The following RBMS3 variants were observed in gnomAD, a reference collection of about 807,000 sequenced individuals.
RBMS3 encodes the protein RNA-binding motif, single-stranded-interacting protein 3.
In RBMS3, 27 loss-of-function variants were observed where a neutral mutation model predicts 66.8. The observed-to-expected ratio is 0.40, with a 90% CI of 0.30 to 0.56. The LOEUF is 0.56. Ranked by LOEUF, RBMS3 falls within the 20% of genes least tolerant of loss-of-function variation. RBMS3 has a pLI of 0.40. For missense variants in RBMS3, 513 were observed against 549.5 expected (o/e 0.93, Z 0.66); for synonymous variants, 188 against 183.0 (o/e 1.03, Z -0.22).
intron 1 of RBMS3, among the ~76,000 whole-genome samples, chr3:29,292,796 C>T (rs1350008092): frequency 4.0e-5 from 6 of 151,826 alleles, no homozygotes. Flanking sequence ...TATCAGGGCT[C>T]AATGTACTTT....
At chr3:29,852,919 T>A (rs1379140633) in intron 6 of RBMS3, among the ~76,000 whole-genome samples, 1 of 152,122 alleles carries the variant, frequency 6.6e-6, no homozygotes, top group Non-Finnish European at 1.5e-5. Context: ...TAAATGCCCA[T>A]CAATGACAGA....
At chr3:29,403,924 A>G (rs2039911746) in intron 1 of RBMS3, among the ~76,000 whole-genome samples, 1 of 152,192 alleles carries the variant, frequency 6.6e-6, no homozygotes, top group Middle Eastern at 3.4e-3. Context: ...GAAACTTTTG[A>G]TAATAGAAAT....
In RBMS3 at chr3:29,281,461, T is replaced by A; in HGVS notation, c.-221T>A. 1.9e-6 allele frequency: 1 copy of A among 537,928 alleles called. No homozygotes were observed. The highest frequency in any genetic ancestry group is 3.2e-6 in the Non-Finnish European group (1 of 313,938). 33.3% of individuals were successfully genotyped at this position (537,928 alleles called of 1,614,324 possible). A position where few individuals can be genotyped will look rare whatever the true frequency, so the allele number is the denominator to read the frequency against. ...TGTGTGTGGGTGTTTTTTCTACAGATCTCACTCCTCGCCCTTTTTTTTTTT... is the reference window on the plus strand; with the variant it reads ...TGTGTGTGGGTGTTTTTTCTACAGAACTCACTCCTCGCCCTTTTTTTTTTT... On this transcript the variant is annotated 5_prime_UTR_variant, in exon 1 of 15. Transcript: ENST00000383767.
At chr3:29,468,323 C>T (rs961759840) in intron 2 of RBMS3, among the ~76,000 whole-genome samples, 5 of 152,124 alleles carry the variant, frequency 3.3e-5, no homozygotes, top group African/African-American at 4.8e-5. Context: ...AGAAGGCTTG[C>T]GGTTTGATGG....
At chr3:29,655,109 C>T (rs541888187) in intron 4 of RBMS3, among the ~76,000 whole-genome samples, 2 of 152,226 alleles carry the variant, frequency 1.3e-5, no homozygotes, top group South Asian at 2.1e-4. Context: ...GGAATAAGAA[C>T]ATTTATTTTT....
At chr3:29,939,677 T>TTCTCTTCC (rs1428141968) in intron 11 of RBMS3, among the ~76,000 whole-genome samples, 2 of 151,900 alleles carry the variant, frequency 1.3e-5, no homozygotes, top group African/African-American at 4.8e-5. Context: ...CCATTCCTTC[T>TTCTCTTCC]TCTCTTCCTG....
intron 6 of RBMS3, among the ~76,000 whole-genome samples, chr3:29,784,490 A>C (rs9845804): frequency 1.3e-5 from 2 of 152,076 alleles, no homozygotes; most frequent in African/African-American, 4.8e-5. Flanking sequence ...GAACTGAACA[A>C]TAATAGTAAC....
intron 2 of RBMS3, among the ~76,000 whole-genome samples, chr3:29,440,334 C>T (rs1344265263): frequency 6.6e-6 from 1 of 152,124 alleles, no homozygotes; most frequent in Non-Finnish European, 1.5e-5. Context: ...CTGTGATTGA[C>T]TGCTATGGAG....
At chr3:29,870,892 C>T (rs1255694666) in intron 7 of RBMS3, among the ~76,000 whole-genome samples, 4 of 151,746 alleles carry the variant, frequency 2.6e-5, no homozygotes, top group African/African-American at 9.7e-5. Context: ...GATAGCATGC[C>T]CTAGAAATAT....
chr3:29,996,835 C>CCCTAATATCACAATTAAAAG (rs1699274702), intron 14 of RBMS3, among the ~76,000 whole-genome samples: 1 of 152,036 alleles, frequency 6.6e-6, no homozygotes, highest in South Asian at 2.1e-4. Flanking sequence ...AAAATTGACA[C>CCCTAATATCACAATTAAAAG]CCTAATATCA....
At chr3:29,807,503 A>G (rs2057594003) in intron 6 of RBMS3, among the ~76,000 whole-genome samples, 1 of 151,948 alleles carries the variant, frequency 6.6e-6, no homozygotes, top group Non-Finnish European at 1.5e-5. Context: ...TAGCATGCAT[A>G]CATACAGATA....
At chr3:29,323,554 A>G (rs2035132087) in intron 1 of RBMS3, among the ~76,000 whole-genome samples, 2 of 152,200 alleles carry the variant, frequency 1.3e-5, no homozygotes, top group South Asian at 2.1e-4. Flanking sequence ...CAGCACACAT[A>G]GTAAAATTAA....
At chr3:29,922,292 C>A (rs2060803966) in intron 10 of RBMS3, among the ~76,000 whole-genome samples, 1 of 151,326 alleles carries the variant, frequency 6.6e-6, no homozygotes, top group Non-Finnish European at 1.5e-5. Context: ...TCGAGACCAT[C>A]CTGGCTAACA....
chr3:29,444,793 T>C (rs2041762352), intron 2 of RBMS3, among the ~76,000 whole-genome samples: 2 of 121,562 alleles, frequency 1.6e-5, no homozygotes, highest in African/African-American at 7.2e-5. Context: ...TATGCCTTTT[T>C]TTTTTTTTTT....
intron 3 of RBMS3, among the ~76,000 whole-genome samples, chr3:29,497,164 C>A (rs970259997): frequency 6.6e-6 from 1 of 151,970 alleles, no homozygotes; most frequent in Non-Finnish European, 1.5e-5. Flanking sequence ...CGCATTCTAC[C>A]ATGCCTGGCT....
At chr3:29,438,575 A>C (rs2041488844) in intron 2 of RBMS3, among the ~76,000 whole-genome samples, 1 of 152,226 alleles carries the variant, frequency 6.6e-6, no homozygotes, top group Admixed American at 6.5e-5. Flanking sequence ...AGAAGATAAG[A>C]CTGAAGAACA....
chr3:29,716,325 G>A (rs1319740280), intron 4 of RBMS3, among the ~76,000 whole-genome samples: 1 of 152,120 alleles, frequency 6.6e-6, no homozygotes, highest in Non-Finnish European at 1.5e-5. Context: ...GTGTTGAGAA[G>A]CAAAGGACAC....
chr3:29,810,589 A>G (rs1394701407), intron 6 of RBMS3, among the ~76,000 whole-genome samples: 3 of 152,228 alleles, frequency 2.0e-5, no homozygotes, highest in Non-Finnish European at 1.5e-5. Context: ...GAAAATGCCA[A>G]AGGATTTTGC....
chr3:29,307,553 G>T (rs1249417900), intron 1 of RBMS3, among the ~76,000 whole-genome samples: 1 of 151,860 alleles, frequency 6.6e-6, no homozygotes, highest in Admixed American at 6.6e-5. Flanking sequence ...ACCACAGTGT[G>T]CTATTGGTGT....
Sources: gnomAD v4.1 joint callset for allele counts (sites outside exome capture counted in the v4.1 genomes callset) on GRCh38, gnomAD v4.1.1 for gene constraint, MANE v1.5 for transcripts, NCBI Gene and HGNC (gene_info 2026-07-23, HGNC 2026-07-21) for gene names.